TAFA5: variants seen among roughly 807,000 people sequenced by gnomAD.
TAFA5 encodes chemokine-like protein TAFA-5.
TAFA5 carries 6 observed loss-of-function variants against 15.3 expected under a neutral mutation model. The ratio of observed to expected loss-of-function variants is 0.39; its 90% CI spans 0.21 to 0.77. The LOEUF is 0.77. Among genes scored for constraint, TAFA5 ranks in the 30% least tolerant of loss-of-function variants. The pLI, the probability that TAFA5 is intolerant of heterozygous loss-of-function variation, is 0.41. For missense variants in TAFA5, 161 were observed against 193.1 expected (o/e 0.83, Z 0.98); for synonymous variants, 103 against 80.7 (o/e 1.28, Z -1.48).
intron 1 of TAFA5, among the ~76,000 whole-genome samples, chr22:48,553,578 G>A (rs1337000847): frequency 6.6e-6 from 1 of 152,130 alleles, no homozygotes; most frequent in South Asian, 2.1e-4. Context: ...GCTGGGAGGG[G>A]ACAGATCACC....
chr22:48,542,155 G>GTGTGT (rs1922412092), intron 1 of TAFA5, among the ~76,000 whole-genome samples: 1 of 117,370 alleles, frequency 8.5e-6, no homozygotes, highest in African/African-American at 4.0e-5. Context: ...GTGTGGGTGT[G>GTGTGT]GGGGGTGTGT....
At chr22:48,645,831 G>A (rs1180709491) in intron 1 of TAFA5, among the ~76,000 whole-genome samples, 1 of 152,130 alleles carries the variant, frequency 6.6e-6, no homozygotes, top group Non-Finnish European at 1.5e-5. Context: ...TGGCCTTAGT[G>A]TGCTCACACC....
chr22:48,586,776 TG>T (rs1312738263), intron 1 of TAFA5, among the ~76,000 whole-genome samples: 1 of 152,222 alleles, frequency 6.6e-6, no homozygotes, highest in African/African-American at 2.4e-5. Context: ...TTGGGCGACC[TG>T]GACAGTGCCC....
In TAFA5 at chr22:48,707,796, G is replaced by A. The variant is rs750613063; in HGVS notation, c.342G>A (p.Arg114=). ...AAGGCTGCGACTTGTTAATCAACCG[G>A]TCAGGCTGGACGTGCACGCAGCCCG... The part of the protein sequence containing the change: ...EGEGCDLLIN[R]SGWTCTQPGG... The change falls in exon 3 of 4, where the codon CGG becomes CGA. Residue 114 remains arginine (R), a synonymous_variant. Transcript: ENST00000402357. 11 of 1,613,754 alleles carry A rather than the reference G, an allele frequency of 6.8e-6. No homozygotes were observed. The Admixed American group carries it at 8.3e-5, about 12-fold the overall frequency.
intron 1 of TAFA5, among the ~76,000 whole-genome samples, chr22:48,521,425 T>C (rs133493): frequency 0.95 from 143,774 of 151,884 alleles, 68,166 homozygotes; most frequent in Middle Eastern, 0.99. Context: ...TCGCCTTTGC[T>C]TCCACCTCGT....
At chr22:48,665,718 C>T (rs1351844829) in intron 2 of TAFA5, among the ~76,000 whole-genome samples, 1 of 152,204 alleles carries the variant, frequency 6.6e-6, no homozygotes, top group Non-Finnish European at 1.5e-5. Context: ...TGGGTCTCAT[C>T]CCTGAATATA....
chr22:48,554,712 T>C (rs2147128443), intron 1 of TAFA5, among the ~76,000 whole-genome samples: 1 of 152,180 alleles, frequency 6.6e-6, no homozygotes, highest in East Asian at 1.9e-4. Context: ...TATTTCAAAA[T>C]TTCCTGGGTG....
chr22:48,689,011 A>G (rs1349233136), intron 2 of TAFA5, among the ~76,000 whole-genome samples: 1 of 91,918 alleles, frequency 1.1e-5, no homozygotes, highest in African/African-American at 6.2e-5. Flanking sequence ...AAAAAAAAAA[A>G]GAGAGAGAAA....
intron 1 of TAFA5, among the ~76,000 whole-genome samples, chr22:48,614,941 G>C (rs1925543659): frequency 1.3e-5 from 2 of 152,202 alleles, no homozygotes; most frequent in South Asian, 4.1e-4. Flanking sequence ...ACCGGGGCCA[G>C]AAGCCACTGG....
At chr22:48,727,689 G>A (rs779423293) in intron 3 of TAFA5, among the ~76,000 whole-genome samples, 9 of 152,166 alleles carry the variant, frequency 5.9e-5, no homozygotes, top group Non-Finnish European at 7.3e-5. Flanking sequence ...ATAGCCAAAC[G>A]TGTTGTCTTC....
chr22:48,721,574 A>G (rs1368540558), intron 3 of TAFA5, among the ~76,000 whole-genome samples: 2 of 152,134 alleles, frequency 1.3e-5, no homozygotes, highest in African/African-American at 2.4e-5. Context: ...TTTTTCTCCT[A>G]TTGGTTTATA....
intron 3 of TAFA5, among the ~76,000 whole-genome samples, chr22:48,722,329 G>T (rs130183): frequency 0.31 from 46,517 of 151,902 alleles, 8,163 homozygotes; most frequent in Non-Finnish European, 0.41. Flanking sequence ...ATGATAGACT[G>T]GATAAAGCAA....
chr22:48,626,038 C>A (rs1013022047), intron 1 of TAFA5, among the ~76,000 whole-genome samples: 2 of 152,144 alleles, frequency 1.3e-5, no homozygotes, highest in Admixed American at 6.5e-5. Flanking sequence ...TCTTGTTATC[C>A]CCGAGTAAGA....
At chr22:48,511,378 C>T (rs1321387678) in intron 1 of TAFA5, among the ~76,000 whole-genome samples, 2 of 152,204 alleles carry the variant, frequency 1.3e-5, no homozygotes, top group East Asian at 1.9e-4. Flanking sequence ...TCCTCCTCCT[C>T]CTCCTCACTG....
At chr22:48,507,667 G>A (rs867237499) in intron 1 of TAFA5, among the ~76,000 whole-genome samples, 2 of 152,164 alleles carry the variant, frequency 1.3e-5, no homozygotes, top group Admixed American at 6.5e-5. Context: ...CTTGGCCTGC[G>A]GAAGAGAGGG....
intron 1 of TAFA5, among the ~76,000 whole-genome samples, chr22:48,514,770 G>T (rs955437624): frequency 1.3e-5 from 2 of 152,212 alleles, no homozygotes; most frequent in Non-Finnish European, 2.9e-5. Flanking sequence ...AAAATCCACT[G>T]GTCATGTGAC....
chr22:48,542,210 C>T (rs2147119988), intron 1 of TAFA5, among the ~76,000 whole-genome samples: 1 of 108,728 alleles, frequency 9.2e-6, no homozygotes, highest in African/African-American at 3.9e-5. Context: ...GTGTGATGTA[C>T]ATGATGTGTG....
intron 2 of TAFA5, among the ~76,000 whole-genome samples, chr22:48,689,497 T>C (rs1035477410): frequency 3.3e-5 from 5 of 152,176 alleles, no homozygotes; most frequent in Non-Finnish European, 7.3e-5. Flanking sequence ...TTCTGACGCC[T>C]GAGGAACCTG....
chr22:48,509,110 G>C (rs1273351932), intron 1 of TAFA5, among the ~76,000 whole-genome samples: 2 of 152,188 alleles, frequency 1.3e-5, no homozygotes, highest in African/African-American at 4.8e-5. Flanking sequence ...ATGCCCTCCG[G>C]AGTCATGCCT....
Sources: gnomAD v4.1 joint callset for allele counts (sites outside exome capture counted in the v4.1 genomes callset) on GRCh38, gnomAD v4.1.1 for gene constraint, MANE v1.5 for transcripts, NCBI Gene and HGNC (gene_info 2026-07-23, HGNC 2026-07-21) for gene names.